PCDH15: variants seen among roughly 807,000 people sequenced by gnomAD.
PCDH15 encodes the protein protocadherin-15.
Under a neutral mutation model 178.5 loss-of-function variants are expected in PCDH15, and 129 were observed. The ratio of observed to expected loss-of-function variants is 0.72; its 90% CI spans 0.63 to 0.84. The LOEUF (loss-of-function observed/expected upper bound fraction) is 0.84. Among genes scored for constraint, PCDH15 ranks in the 40% least tolerant of loss-of-function variants. PCDH15 has a pLI of 0.00. For synonymous variants in PCDH15, 800 were observed against 732.0 expected (o/e 1.09, Z -1.50); for missense variants, 2,230 against 2,099.9 (o/e 1.06, Z -1.21).
intron 2 of PCDH15, among the ~76,000 whole-genome samples, chr10:55,341,723 C>A (rs1310638668): frequency 7.2e-6 from 1 of 139,788 alleles, no homozygotes; most frequent in African/African-American, 2.6e-5. Flanking sequence ...GCATGCGCCA[C>A]CACGCCCAGC....
intron 2 of PCDH15, among the ~76,000 whole-genome samples, chr10:55,529,747 A>ATATATATATATG: frequency 8.7e-6 from 1 of 114,588 alleles, no homozygotes; most frequent in East Asian, 2.4e-4. Flanking sequence ...GTGAGTATAT[A>ATATATATATATG]TATATATATA....
intron 7 of PCDH15, among the ~76,000 whole-genome samples, chr10:54,324,809 T>C (rs944641491): frequency 2.6e-5 from 4 of 151,986 alleles, no homozygotes; most frequent in Non-Finnish European, 4.4e-5. Flanking sequence ...TAAACTTTTT[T>C]CTTTCTGGTA....
intron 21 of PCDH15, among the ~76,000 whole-genome samples, chr10:53,985,953 T>G (rs1304267855): frequency 6.6e-6 from 1 of 152,200 alleles, no homozygotes; most frequent in African/African-American, 2.4e-5. Context: ...TCCACATAAA[T>G]GACATCATTT....
intron 2 of PCDH15, among the ~76,000 whole-genome samples, chr10:55,587,109 T>C (rs2132127031): frequency 6.6e-6 from 1 of 152,212 alleles, no homozygotes. Flanking sequence ...TATATGTACC[T>C]TTTTTGTATT....
Position 53,913,837 on chromosome 10 carries a change from T to C in PCDH15, c.3374-10467A>G, listed in dbSNP as rs370186887. 6.2e-3 allele frequency among the ~76,000 whole-genome samples: 944 copies of C among 151,628 alleles called. 7 individuals are homozygous for C. Among genetic ancestry groups the C allele is most frequent in the South Asian group, 0.019 (92 of 4,796 alleles). ...CAGAGTGAACAGGCAACCTACAGAA[T>C]GGGAGAAAATTTTTGCAATCTACCT... On this transcript the variant is annotated intron_variant, in intron 25 of 37. Coordinates refer to ENST00000644397, the MANE Select transcript of PCDH15 (RefSeq NM_001384140.1).
At chr10:54,573,131 A>T (rs1006366367) in intron 2 of PCDH15, among the ~76,000 whole-genome samples, 2 of 152,150 alleles carry the variant, frequency 1.3e-5, no homozygotes, top group African/African-American at 4.8e-5. Context: ...CGTATATATA[A>T]TTTTTCTATC....
intron 13 of PCDH15, among the ~76,000 whole-genome samples, chr10:54,161,184 C>A (rs1207130214): frequency 2.0e-5 from 3 of 152,094 alleles, no homozygotes; most frequent in Admixed American, 1.3e-4. Context: ...TGTGTTTTCA[C>A]AAGATGGATT....
At chr10:53,981,989 C>T (rs1392590951) in intron 21 of PCDH15, among the ~76,000 whole-genome samples, 17 of 151,944 alleles carry the variant, frequency 1.1e-4, no homozygotes, top group Admixed American at 1.3e-4. Context: ...AACAAACAAC[C>T]CCATCAAAAA....
At chr10:54,383,879 C>T (rs61855477) in intron 3 of PCDH15, among the ~76,000 whole-genome samples, 69,381 of 151,552 alleles carry the variant, frequency 0.46, 17,871 homozygotes, top group Middle Eastern at 0.6. Flanking sequence ...AGTGCAGTGG[C>T]GCAATCTCGG....
intron 3 of PCDH15, among the ~76,000 whole-genome samples, chr10:54,815,140 G>T (rs966190274): frequency 2.2e-5 from 3 of 139,214 alleles, no homozygotes; most frequent in African/African-American, 8.1e-5. Context: ...CAATAAATAT[G>T]TTGGTTTTTT....
chr10:53,941,697 T>C (rs865830131), intron 23 of PCDH15, among the ~76,000 whole-genome samples: 4 of 152,168 alleles, frequency 2.6e-5, no homozygotes, highest in African/African-American at 7.2e-5. Flanking sequence ...GATTACTGGA[T>C]TTTATAGTAA....
At chr10:54,164,849 G>A (rs1484933876) in intron 13 of PCDH15, among the ~76,000 whole-genome samples, 1 of 152,102 alleles carries the variant, frequency 6.6e-6, no homozygotes, top group Non-Finnish European at 1.5e-5. Context: ...CTATGCTATT[G>A]CCATAGAAGC....
Position 53,821,399 on chromosome 10 carries a change from T to C in PCDH15, c.4368-1169A>G, listed in dbSNP as rs534928410. On this transcript the variant is annotated intron_variant, in intron 32 of 37. Coordinates refer to ENST00000644397, the MANE Select transcript of PCDH15 (RefSeq NM_001384140.1). ...GTAGTATTTCTTCTTACCAAATACA[T>C]AGGCTTCAAGAAAAAACAGAACCTA... is the stretch of plus-strand genomic sequence containing the variant. 107 of 996,804 alleles carry C rather than the reference T, an allele frequency of 1.1e-4. No homozygotes were observed. Among genetic ancestry groups the C allele is most frequent in the South Asian group, 2.2e-4 (5 of 23,136 alleles). The allele number at this position is 996,804 out of a possible 1,614,324, so 61.7% of individuals were successfully genotyped here.
rs180993135 is a variant in PCDH15, at chr10:54,898,366, A to T, written c.-79-866T>A. ...AATAAAGTTTTGGATAAAATAATAC[A>T]ATAATAAACTAGGGTTATTTTCATA... is the stretch of plus-strand genomic sequence containing the variant. On this transcript the variant is annotated intron_variant, in intron 2 of 5. Transcript: ENST00000458638. Among the ~76,000 whole-genome samples the T allele has an allele frequency of 2.0e-5, 3 of 152,292 alleles. No homozygotes were observed. In the East Asian group the frequency reaches 5.8e-4, roughly 29 times the overall value.
intron 17 of PCDH15, 39 bp from the exon 18 acceptor site, chr10:54,066,924 A>G (rs371419313): frequency 3.7e-6 from 6 of 1,603,310 alleles, no homozygotes; most frequent in Non-Finnish European, 4.3e-6. Context: ...GAGAGGAGCT[A>G]TTTTTACTTA....
intron 1 of PCDH15, among the ~76,000 whole-genome samples, chr10:55,186,583 A>G (rs1413823188): frequency 4.0e-5 from 6 of 151,812 alleles, no homozygotes; most frequent in African/African-American, 1.4e-4. Context: ...CCAAAAGTGT[A>G]GTCTGCTTTC....
At chr10:55,399,977 T>C (rs2132023591) in intron 2 of PCDH15, among the ~76,000 whole-genome samples, 1 of 152,272 alleles carries the variant, frequency 6.6e-6, no homozygotes, top group South Asian at 2.1e-4. Flanking sequence ...CTTTTCAACA[T>C]GAGATCTTCA....
Position 53,806,839 on chromosome 10 carries a change from A to G in PCDH15, c.4963T>C (p.Ser1655Pro). Residue 1655 changes from serine (S) to proline (P), a missense_variant, in exon 38 of 38, where the codon TCA (serine) becomes CCA (proline). Transcript: ENST00000644397. ...TTTTCAGTAGAAAATGGCCCCTTTG[A>G]TAATGTGTTCAGAGGTACATTCTCC... Reference protein sequence around the residue: ...HEENVPLNTLSKGPFSTEKMN... With the variant: ...HEENVPLNTLPKGPFSTEKMN... The G allele has an allele frequency of 6.2e-7, 1 of 1,613,870 alleles. No individual in the cohort carries two copies. Among genetic ancestry groups the G allele is most frequent in the South Asian group, 1.1e-5 (1 of 91,068 alleles).
chr10:54,404,459 C>A (rs1269018708), intron 3 of PCDH15, among the ~76,000 whole-genome samples: 3 of 152,158 alleles, frequency 2.0e-5, no homozygotes, highest in South Asian at 2.1e-4. Flanking sequence ...GGAGAACTGA[C>A]AAGCCATATG....
Sources: gnomAD v4.1 joint callset for allele counts (sites outside exome capture counted in the v4.1 genomes callset) on GRCh38, gnomAD v4.1.1 for gene constraint, MANE v1.5 for transcripts, NCBI Gene and HGNC (gene_info 2026-07-23, HGNC 2026-07-21) for gene names.